BTNL9: variants seen among roughly 807,000 people sequenced by gnomAD.
BTNL9 encodes the protein butyrophilin like 9.
In BTNL9, 45 loss-of-function variants were observed where a neutral mutation model predicts 45.8. The ratio of observed to expected loss-of-function variants is 0.98; its 90% CI spans 0.77 to 1.26. The LOEUF is 1.26. Ranked by LOEUF, BTNL9 falls within the 50% of genes most tolerant of loss-of-function variation. The pLI is 0.00. For synonymous variants in BTNL9, 346 were observed against 330.8 expected, an observed-to-expected ratio of 1.05 and a Z score of -0.50; for missense variants, 784 against 729.7, an observed-to-expected ratio of 1.07 and a Z score of -0.86.
Position 181,061,167 on chromosome 5 carries a change from T to C in BTNL9, c.*1305T>C, listed in dbSNP as rs933395262. The C allele has an allele frequency of 2.6e-5, 4 of 152,214 alleles. No homozygotes were observed. The highest frequency in any genetic ancestry group is 5.9e-5 in the Non-Finnish European group (4 of 68,040). The allele number at this position is 152,214 out of a possible 1,614,324, so 9.4% of individuals were successfully genotyped here. ...ACATACTGAAGTTTTTAGATATTAA[T>C]TACCACAGTGTCTGCCACTGAATTT... On this transcript the variant is annotated 3_prime_UTR_variant, in exon 11 of 11. Transcript: ENST00000327705.
Position 181,053,855 on chromosome 5 carries a change from G to C in BTNL9, c.886+354G>C. The C allele has an allele frequency of 6.6e-7, 1 of 1,506,214 alleles. No homozygotes were observed. The highest frequency in any genetic ancestry group is 8.9e-7 in the Non-Finnish European group (1 of 1,128,090). 93.3% of individuals were successfully genotyped at this position (1,506,214 alleles called of 1,614,324 possible). The stretch of plus-strand genomic sequence containing the variant: ...AGGTTTTCATAGCGCACAGGGAGTC[G>C]GGCGGATGCGCAACATCTCCGCACA... On this transcript the variant is annotated intron_variant, in intron 6 of 10. Transcript: ENST00000327705. This position sits in a 1 kb window ranked among gnomAD's most constrained non-coding sequence, Gnocchi z 6.5.
intron 4 of BTNL9, among the ~76,000 whole-genome samples, chr5:181,051,334 C>T (rs562734185): frequency 1.3e-5 from 2 of 152,202 alleles, no homozygotes; most frequent in South Asian, 4.2e-4. Context: ...ACTTTTCACA[C>T]GAGTCCAAAT....
chr5:181,053,593 T>G lies in BTNL9; in HGVS notation c.886+92T>G. 6.5e-7 allele frequency: 1 copy of G among 1,549,920 alleles called. No individual in the cohort carries two copies. ...TGTGGGTCCCGTTACGAGGGTTTAT[T>G]CCAGCGCGAGGTGTCAGGGCGGCCA... On this transcript the variant is annotated intron_variant, in intron 6 of 10. Transcript: ENST00000327705. This position sits in a 1 kb window ranked among gnomAD's most constrained non-coding sequence, Gnocchi z 6.5.
chr5:181,049,268 T>C (rs1418694314), intron 3 of BTNL9, among the ~76,000 whole-genome samples: 1 of 152,156 alleles, frequency 6.6e-6, no homozygotes, highest in Non-Finnish European at 1.5e-5. Flanking sequence ...ATGAGTTTAA[T>C]CTTTGTAAAG....
chr5:181,059,471 C>T lies in BTNL9; in HGVS notation c.1217C>T (p.Pro406Leu), dbSNP rs1210678631. ...CTGGGCGCCTGCCTGGCCGCGGTGC[C>T]GCGCGCGGGGCCTGCGCGCCTGAGC... ...WFLGACLAAV[P>L]RAGPARLSPA... Residue 406 changes from proline (P) to leucine (L), a missense_variant, in exon 11 of 11, where the codon CCG becomes CTG. Transcript: ENST00000327705. 1.1e-5 allele frequency: 16 copies of T among 1,445,858 alleles called. No homozygotes were observed. The East Asian group carries it at 2.7e-4, about 24-fold the overall frequency. 89.6% of individuals were successfully genotyped at this position (1,445,858 alleles called of 1,614,324 possible).
Position 181,060,217 on chromosome 5 carries a change from G to GT in BTNL9, c.*359dup, listed in dbSNP as rs369338472. The GT allele has an allele frequency of 4.1e-6, 1 of 244,592 alleles. No homozygotes were observed. Among genetic ancestry groups the GT allele is most frequent in the African/African-American group, 2.2e-5 (1 of 44,970 alleles). 15.2% of individuals were successfully genotyped at this position (244,592 alleles called of 1,614,324 possible). A position where few individuals can be genotyped will look rare whatever the true frequency, so the allele number is the denominator to read the frequency against. On this transcript the variant is annotated 3_prime_UTR_variant, in exon 11 of 11. Transcript: ENST00000327705. Reference sequence around the variant, plus strand: ...TTAGAGGGATCAGTTAATTTGTATAGTTTTATATTTTTTGTATATGTTTGC... The same window carrying GT: ...TTAGAGGGATCAGTTAATTTGTATAGTTTTTATATTTTTTGTATATGTTTGC...
At position 181,059,909 on chromosome 5, in the gene BTNL9, C is replaced by T. The variant is rs1271461115; in HGVS notation, c.*47C>T. The T allele has an allele frequency of 2.1e-6, 3 of 1,455,540 alleles. No individual in the cohort carries two copies. The Admixed American group carries it at 6.7e-5, about 33-fold the overall frequency. The allele number at this position is 1,455,540 out of a possible 1,614,324, so 90.2% of individuals were successfully genotyped here. A position where few individuals can be genotyped will look rare whatever the true frequency, so the allele number is the denominator to read the frequency against. Reference sequence around the variant, plus strand: ...CTGGCCCCGGGGGGCCCCCTGGATCCCAGGCCAGCGCTTTGCTCTCCTGCT... The same window carrying T: ...CTGGCCCCGGGGGGCCCCCTGGATCTCAGGCCAGCGCTTTGCTCTCCTGCT... On this transcript the variant is annotated 3_prime_UTR_variant, in exon 11 of 11. Transcript: ENST00000327705.
chr5:181,056,149 C>G, intron 9 of BTNL9, 134 bp downstream of exon 9: 2 of 1,015,304 alleles, frequency 2.0e-6, no homozygotes, highest in Non-Finnish European at 3.1e-6. Context: ...TAATCTATGT[C>G]ACTGGGTAGA....
At position 181,056,426 on chromosome 5, in the gene BTNL9, G is replaced by A. The variant is rs1761885179; in HGVS notation, c.955+411G>A. On this transcript the variant is annotated intron_variant, in intron 9 of 10. Transcript: ENST00000327705. Reference sequence around the variant, plus strand: ...TGCATATGCATCTTAGTTCATGTAAGTGACATTTATGGTTCTGTGATGTTC... The same window carrying A: ...TGCATATGCATCTTAGTTCATGTAAATGACATTTATGGTTCTGTGATGTTC... 6.1e-6 allele frequency: 4 copies of A among 653,544 alleles called. No individual in the cohort carries two copies. The African/African-American group carries it at 7.2e-5, about 12-fold the overall frequency. 40.5% of individuals were successfully genotyped at this position (653,544 alleles called of 1,614,324 possible).
At chr5:181,045,367 A>G in intron 1 of BTNL9, 100 bp from the exon 2 acceptor site, 1 of 666,324 alleles carries the variant, frequency 1.5e-6, no homozygotes, top group Non-Finnish European at 2.7e-6. Flanking sequence ...AGAACTAGAC[A>G]AAAATAACTG....
In BTNL9 at chr5:181,055,247, A is replaced by G; in HGVS notation, c.908-186A>G. The G allele has an allele frequency of 6.8e-7, 1 of 1,461,138 alleles. No homozygotes were observed. The highest frequency in any genetic ancestry group is 1.4e-5 in the African/African-American group (1 of 70,392). 90.5% of individuals were successfully genotyped at this position (1,461,138 alleles called of 1,614,324 possible). ...TTGAGCTAAGATAGGATGAGGCATA[A>G]GAGTCCTGCAGATGGGCCTCTTTTT... On this transcript the variant is annotated intron_variant, in intron 7 of 10. Transcript: ENST00000327705. The surrounding 1 kb of genome is among the most constrained non-coding windows in gnomAD (Gnocchi z 4.4).
chr5:181,058,598 C>T (rs1761999470), intron 10 of BTNL9, among the ~76,000 whole-genome samples: 1 of 152,020 alleles, frequency 6.6e-6, no homozygotes, highest in South Asian at 2.1e-4. Context: ...ACACATCGCT[C>T]CTTGGGGTTA....
chr5:181,053,393 A>T lies in BTNL9; in HGVS notation c.854-76A>T, dbSNP rs780492903. 2.2e-5 allele frequency: 33 copies of T among 1,529,202 alleles called. No homozygotes were observed. The highest frequency in any genetic ancestry group is 2.8e-5 in the Non-Finnish European group (32 of 1,136,384). 94.7% of individuals were successfully genotyped at this position (1,529,202 alleles called of 1,614,324 possible). A position where few individuals can be genotyped will look rare whatever the true frequency, so the allele number is the denominator to read the frequency against. ...CGGGGCCGCGGAGGCGCCTCCCCCCAGGACGCGGCGCGGGAAGGCGGCCTG... is the reference window on the plus strand; with the variant it reads ...CGGGGCCGCGGAGGCGCCTCCCCCCTGGACGCGGCGCGGGAAGGCGGCCTG... On this transcript the variant is annotated intron_variant, in intron 5 of 10. Transcript: ENST00000327705. This position sits in a 1 kb window ranked among gnomAD's most constrained non-coding sequence, Gnocchi z 6.5.
In BTNL9 at chr5:181,050,449, C is replaced by G. The variant is rs7702426; in HGVS notation, c.736+80C>G. 734,916 of 1,501,170 alleles carry G rather than the reference C, an allele frequency of 0.49. 181,093 individuals carry two copies. Among genetic ancestry groups the G allele is most frequent in the African/African-American group, 0.53 (38,091 of 72,432 alleles). 93.0% of individuals were successfully genotyped at this position (1,501,170 alleles called of 1,614,324 possible). On this transcript the variant is annotated intron_variant, in intron 4 of 10. Transcript: ENST00000327705. This position sits in a 1 kb window ranked among gnomAD's most constrained non-coding sequence, Gnocchi z 4.9. ...TTGGCCCAAAGGCAGTCTATAAAGA[C>G]ACAATGGTACTGCGCCTGTCTGCAT...
chr5:181,048,712 A>AAT (rs951160498), intron 3 of BTNL9, among the ~76,000 whole-genome samples: 41 of 132,112 alleles, frequency 3.1e-4, no homozygotes, highest in South Asian at 1.4e-3. Flanking sequence ...TCTGTCTTGA[A>AAT]ATATATATAT....
At chr5:181,047,621 T>G (rs1292554770) in intron 2 of BTNL9, 1 of 664,524 alleles carries the variant, frequency 1.5e-6, no homozygotes, top group African/African-American at 1.9e-5. Flanking sequence ...TCCATTTCGC[T>G]TAATGCCTTG....
Position 181,060,171 on chromosome 5 carries a change from G to A in BTNL9, c.*309G>A. 1 of 404,380 alleles carries A rather than the reference G, an allele frequency of 2.5e-6. No individual in the cohort carries two copies. Among genetic ancestry groups the A allele is most frequent in the African/African-American group, 2.0e-5 (1 of 49,250 alleles). The allele number at this position is 404,380 out of a possible 1,614,324, so 25.0% of individuals were successfully genotyped here. A position where few individuals can be genotyped will look rare whatever the true frequency, so the allele number is the denominator to read the frequency against. ...AGAAGCCAGCATGGAAGAAAGAAGG[G>A]AGAAAACTTTGGTGACTGCCTTAGA... On this transcript the variant is annotated 3_prime_UTR_variant, in exon 11 of 11. Transcript: ENST00000327705.
At chr5:181,058,847 A>C (rs1211199125) in intron 10 of BTNL9, among the ~76,000 whole-genome samples, 1 of 151,798 alleles carries the variant, frequency 6.6e-6, no homozygotes, top group African/African-American at 2.4e-5. Context: ...AAATTTCTGT[A>C]AAATGACGCT....
In BTNL9 at chr5:181,053,934, G is replaced by A. The variant is rs1396835349; in HGVS notation, c.887-305G>A. The A allele has an allele frequency of 2.0e-6, 3 of 1,517,824 alleles. No individual in the cohort carries two copies. In the African/African-American group the frequency reaches 4.1e-5, roughly 21 times the overall value. 94.0% of individuals were successfully genotyped at this position (1,517,824 alleles called of 1,614,324 possible). A position where few individuals can be genotyped will look rare whatever the true frequency, so the allele number is the denominator to read the frequency against. On this transcript the variant is annotated intron_variant, in intron 6 of 10. Coordinates refer to ENST00000327705, the MANE Select transcript of BTNL9 (RefSeq NM_152547.5). This position sits in a 1 kb window ranked among gnomAD's most constrained non-coding sequence, Gnocchi z 6.5. ...GAAAACAGCCCAGTTACGTGAGGCAGTGTCCGGGGCTTAACGTTTCCGCCG... is the reference window on the plus strand; with the variant it reads ...GAAAACAGCCCAGTTACGTGAGGCAATGTCCGGGGCTTAACGTTTCCGCCG...
Sources: allele counts gnomAD v4.1 joint callset (sites outside exome capture counted in the v4.1 genomes callset), GRCh38; gene constraint gnomAD v4.1.1; non-coding constraint Gnocchi (gnomAD v3.1); transcripts MANE v1.5; gene names NCBI Gene and HGNC (gene_info 2026-07-23, HGNC 2026-07-21).